The following CBLB variants were observed in gnomAD, a reference collection of about 807,000 sequenced individuals.
CBLB encodes the protein Cbl proto-oncogene B, also known as E3 ubiquitin-protein ligase CBL-B.
Under a neutral mutation model 104.9 loss-of-function variants are expected in CBLB, and 31 were observed. The observed-to-expected ratio is 0.30, with a 90% CI of 0.22 to 0.40. CBLB has a LOEUF of 0.40. CBLB is among the 10% of genes least tolerant of loss of function. The pLI is 1.00. For missense variants in CBLB, 1,062 were observed against 1,214.6 expected (o/e 0.87, Z 1.87); for synonymous variants, 440 against 422.6 (o/e 1.04, Z -0.51).
At chr3:105,787,896 A>T (rs2081206205) in intron 3 of CBLB, among the ~76,000 whole-genome samples, 1 of 152,222 alleles carries the variant, frequency 6.6e-6, no homozygotes, top group Non-Finnish European at 1.5e-5. Context: ...CAGCAGAAAT[A>T]ATTTTTAAAA....
intron 4 of CBLB, among the ~76,000 whole-genome samples, chr3:105,755,562 G>A (rs958041771): frequency 1.3e-5 from 2 of 151,906 alleles, no homozygotes; most frequent in African/African-American, 4.8e-5. Context: ...AGGCTACAGG[G>A]TTTTAGTTTC....
chr3:105,710,261 C>G (rs72993737), intron 10 of CBLB, among the ~76,000 whole-genome samples: 138 of 151,958 alleles, frequency 9.1e-4, no homozygotes, highest in African/African-American at 3.3e-3. Flanking sequence ...TCCTTTTGAG[C>G]ACTGCTTAAA....
chr3:105,815,400 A>G (rs1038022839), intron 3 of CBLB, among the ~76,000 whole-genome samples: 1 of 152,244 alleles, frequency 6.6e-6, no homozygotes, highest in Non-Finnish European at 1.5e-5. Context: ...TTACAATGGA[A>G]TATCAATGAC....
At chr3:105,822,094 A>AT in intron 3 of CBLB, among the ~76,000 whole-genome samples, 1 of 150,340 alleles carries the variant, frequency 6.7e-6, no homozygotes, top group South Asian at 2.1e-4. Flanking sequence ...TAAATAACTT[A>AT]TATTATTATT....
chr3:105,695,723 T>C (rs1351196124), intron 12 of CBLB, among the ~76,000 whole-genome samples: 1 of 151,848 alleles, frequency 6.6e-6, no homozygotes, highest in Non-Finnish European at 1.5e-5. Context: ...GTAGTGTCTT[T>C]TCTGAACCAT....
At position 105,868,689 on chromosome 3, in the gene CBLB, G is replaced by A. The variant is rs534594767; in HGVS notation, c.-15+47C>T. The stretch of plus-strand genomic sequence containing the variant: ...GCGCCTGGCTACCCCGGGCCCCCGG[G>A]CCGGCAAGAAGTGTGGAGCCTCCCC... On this transcript the variant is annotated intron_variant, in intron 1 of 18. Transcript: ENST00000394030. The A allele has an allele frequency of 3.2e-4, 323 of 998,384 alleles. 1 individual carries two copies. The African/African-American group carries it at 4.6e-3, about 14-fold the overall frequency. 61.8% of individuals were successfully genotyped at this position (998,384 alleles called of 1,614,324 possible).
At position 105,720,169 on chromosome 3, in the gene CBLB, T is replaced by C. The variant is rs1559950094; in HGVS notation, c.1285A>G (p.Arg429Gly). ...EPIIVDPFDP[R>G]DEGSRCCSII... ...CTGCAACACCTGGAGCCTTCATCTC[T>C]TGGATCAAAGGGGTCCACGATTATG... The change falls in exon 10 of 19, where the codon AGA (arginine) becomes GGA (glycine). Residue 429 changes from arginine to glycine, a missense_variant. By Grantham distance (125) the Arg-to-Gly change is moderately radical. Coordinates refer to ENST00000394030, the MANE Select transcript of CBLB (RefSeq NM_170662.5). The C allele has an allele frequency of 6.2e-7, 1 of 1,613,956 alleles. No individual in the cohort carries two copies. The highest frequency in any genetic ancestry group is 2.2e-5 in the East Asian group (1 of 44,878).
chr3:105,751,631 GA>G lies in CBLB; in HGVS notation c.567-14del, dbSNP rs1304278263. On this transcript the variant is annotated splice_polypyrimidine_tract_variant and intron_variant, in intron 4 of 18. Transcript: ENST00000394030. ...TGGTACGATAGTTCTGTGCAAGGTGGAAAAAAAGGGAAATAATTGAATCAAG... is the reference window on the plus strand; with the variant it reads ...TGGTACGATAGTTCTGTGCAAGGTGGAAAAAAGGGAAATAATTGAATCAAG... The G allele has an allele frequency of 3.7e-6, 6 of 1,606,132 alleles. No homozygotes were observed. Among genetic ancestry groups the G allele is most frequent in the South Asian group, 1.1e-5 (1 of 90,756 alleles).
At position 105,795,142 on chromosome 3, in the gene CBLB, G is replaced by T. The variant is rs1407994771; in HGVS notation, c.420-18600C>A. On this transcript the variant is annotated intron_variant, in intron 3 of 18. Transcript: ENST00000394030. ...TTGGCCAGGATGGTCCAGATCTGCT[G>T]ACCTTGTGATCTGCCCAACTCGGCC... is the stretch of plus-strand genomic sequence containing the variant. Among the ~76,000 whole-genome samples, 4 of 152,220 alleles carry T rather than the reference G, an allele frequency of 2.6e-5. No homozygotes were observed. In the South Asian group the frequency reaches 8.3e-4, roughly 32 times the overall value.
chr3:105,742,016 C>T lies in CBLB; in HGVS notation c.846-1385G>A, dbSNP rs542840243. Among the ~76,000 whole-genome samples, 288 of 152,290 alleles carry T rather than the reference C, an allele frequency of 1.9e-3. No homozygotes were observed. The Middle Eastern group carries it at 0.034, about 18-fold the overall frequency. On this transcript the variant is annotated intron_variant, in intron 6 of 18. Transcript: ENST00000394030. ...ACTAATATCCAACAAAAGGAGGCAGCAACTTGGCTTTAAATCCATCATTAT... is the reference window on the plus strand; with the variant it reads ...ACTAATATCCAACAAAAGGAGGCAGTAACTTGGCTTTAAATCCATCATTAT...
rs148121887 is a variant in CBLB, at chr3:105,775,781, T to C, written c.566+615A>G. 1.9e-3 allele frequency among the ~76,000 whole-genome samples: 286 copies of C among 152,364 alleles called. 2 individuals are homozygous for C. Among genetic ancestry groups the C allele is most frequent in the African/African-American group, 6.8e-3 (281 of 41,596 alleles). On this transcript the variant is annotated intron_variant, in intron 4 of 18. Transcript: ENST00000394030. ...CCAGAATCTGTGTCTCTGTAGGGCA[T>C]ACATCTTTAACTACTTTGCAACAGA...
intron 3 of CBLB, among the ~76,000 whole-genome samples, chr3:105,819,913 T>C (rs1306478498): frequency 6.6e-6 from 1 of 152,182 alleles, no homozygotes; most frequent in African/African-American, 2.4e-5. Context: ...GAAGACAATT[T>C]TTCCATGGAC....
intron 17 of CBLB, chr3:105,671,571 T>C (rs1019525076): frequency 3.4e-5 from 7 of 208,700 alleles, no homozygotes; most frequent in Admixed American, 2.9e-4. Context: ...GAAGACCCGA[T>C]TGAATTTCAT....
In CBLB at chr3:105,851,126, A is replaced by G. The variant is rs187225956; in HGVS notation, c.419+2288T>C. Among the ~76,000 whole-genome samples the G allele has an allele frequency of 1.9e-3, 285 of 152,314 alleles. 5 individuals are homozygous for G. In the East Asian group the frequency reaches 0.046, roughly 25 times the overall value. On this transcript the variant is annotated intron_variant, in intron 3 of 18. Coordinates refer to ENST00000394030, the MANE Select transcript of CBLB (RefSeq NM_170662.5). ...CATGATTACCCAAAAAATGGAAGCA[A>G]CCGAGATGTACTTCAAGGTGTGAGT...
chr3:105,787,141 C>G (rs1049720383), intron 3 of CBLB, among the ~76,000 whole-genome samples: 1 of 152,130 alleles, frequency 6.6e-6, no homozygotes, highest in Non-Finnish European at 1.5e-5. Context: ...TTCCCTGAAC[C>G]ACTATAGAAG....
chr3:105,782,229 G>A lies in CBLB; in HGVS notation c.420-5687C>T, dbSNP rs577303879. Among the ~76,000 whole-genome samples, 10 of 152,260 alleles carry A rather than the reference G, an allele frequency of 6.6e-5. No individual in the cohort carries two copies. The East Asian group carries it at 7.7e-4, about 12-fold the overall frequency. ...AAAGTTTTAAATGTGTCTAAGGAGA[G>A]TACACAACAGACATTAAAAGTTCAA... On this transcript the variant is annotated intron_variant, in intron 3 of 18. Coordinates refer to ENST00000394030, the MANE Select transcript of CBLB (RefSeq NM_170662.5).
In CBLB at chr3:105,702,291, T is replaced by C. The variant is rs756873973; in HGVS notation, c.1762A>G (p.Met588Val). ...VESVPSRDPP[M>V]PLEAWCPRDV... ...CGAGGGCACCATGCTTCAAGAGGCA[T>C]TGGCGGGTCTCTGGAAGGCACGCTT... The change falls in exon 12 of 19, where the codon ATG (methionine) becomes GTG (valine). Residue 588 changes from methionine (M) to valine (V), a missense_variant. By Grantham distance (21) the Met-to-Val change is conservative (BLOSUM62 1). Coordinates refer to ENST00000394030, the MANE Select transcript of CBLB (RefSeq NM_170662.5). 6.8e-6 allele frequency: 11 copies of C among 1,613,904 alleles called. No homozygotes were observed. The highest frequency in any genetic ancestry group is 6.7e-5 in the Admixed American group (4 of 59,988).
chr3:105,704,589 T>C (rs1003569691), intron 10 of CBLB, among the ~76,000 whole-genome samples: 1 of 152,174 alleles, frequency 6.6e-6, no homozygotes, highest in Non-Finnish European at 1.5e-5. Flanking sequence ...GCTATTGCTT[T>C]GTTCCAAACA....
At chr3:105,849,321 C>A (rs2197209) in intron 3 of CBLB, among the ~76,000 whole-genome samples, 32,557 of 151,938 alleles carry the variant, frequency 0.21, 3,675 homozygotes, top group East Asian at 0.42. Flanking sequence ...TGTCAGTAAA[C>A]AGAACAAGGA....
Sources: gnomAD v4.1 joint callset for allele counts (sites outside exome capture counted in the v4.1 genomes callset) on GRCh38, gnomAD v4.1.1 for gene constraint, MANE v1.5 for transcripts, NCBI Gene and HGNC (gene_info 2026-07-23, HGNC 2026-07-21) for gene names.